The following TFEC variants were observed in gnomAD, a reference collection of about 807,000 sequenced individuals.
TFEC encodes the protein transcription factor EC, also known as class E basic helix-loop-helix protein 34.
Under a neutral mutation model 41.6 loss-of-function variants are expected in TFEC, and 31 were observed. That is an observed-to-expected ratio of 0.74 (90% CI 0.56 to 1.01). The LOEUF is 1.01. Ranked by LOEUF, TFEC falls within the 50% of genes least tolerant of loss-of-function variation. The probability of loss-of-function intolerance (pLI) is 0.00; values close to 1 mark genes in which losing one functional copy is unlikely to be tolerated. For synonymous variants in TFEC, 143 were observed against 140.6 expected, an observed-to-expected ratio of 1.02 and a Z score of -0.12; for missense variants, 402 against 404.1, an observed-to-expected ratio of 0.99 and a Z score of 0.04.
In TFEC at chr7:116,049,839, A is replaced by T. The variant is rs536813187; in HGVS notation, c.198+60869T>A. 2.0e-5 allele frequency among the ~76,000 whole-genome samples: 3 copies of T among 152,276 alleles called. No homozygotes were observed. The East Asian group carries it at 5.8e-4, about 29-fold the overall frequency. On this transcript the variant is annotated intron_variant, in intron 3 of 8. Coordinates refer to the TFEC transcript ENST00000484212. ...GATTAAGAAACTCACTCAAAACCAC[A>T]CAACTACATGGAAACTGAACAACCT...
intron 3 of TFEC, among the ~76,000 whole-genome samples, chr7:116,069,477 A>C (rs1326952667): frequency 2.0e-5 from 3 of 151,708 alleles, no homozygotes; most frequent in African/African-American, 7.2e-5. Context: ...AGTTCAAAGA[A>C]TACATCCTCT....
upstream of TFEC, among the ~76,000 whole-genome samples, chr7:116,035,701 CCTT>C (rs2130906841): frequency 6.6e-6 from 1 of 151,972 alleles, no homozygotes; most frequent in South Asian, 2.1e-4. Flanking sequence ...AAAGTGAAAA[CCTT>C]CTGCATTTTT....
chr7:116,017,006 C>T (rs968374831), intron 1 of TFEC, among the ~76,000 whole-genome samples: 8 of 152,150 alleles, frequency 5.3e-5, no homozygotes, highest in African/African-American at 1.9e-4. Context: ...TCCACTCTAA[C>T]CTGCAACTAT....
At chr7:116,123,367 T>C (rs961369088) in intron 1 of TFEC, among the ~76,000 whole-genome samples, 4 of 152,162 alleles carry the variant, frequency 2.6e-5, no homozygotes, top group Non-Finnish European at 5.9e-5. Flanking sequence ...TTCTAGTTTG[T>C]CTTGAAAGCA....
intron 1 of TFEC, among the ~76,000 whole-genome samples, chr7:116,143,701 G>C (rs1798586167): frequency 6.6e-6 from 1 of 152,216 alleles, no homozygotes; most frequent in South Asian, 2.1e-4. Flanking sequence ...TCTGGGAAGA[G>C]TCAGAGAAGT....
chr7:116,145,526 G>A (rs941790210), intron 1 of TFEC, among the ~76,000 whole-genome samples: 2 of 152,268 alleles, frequency 1.3e-5, no homozygotes, highest in South Asian at 2.1e-4. Flanking sequence ...CAGATGCTCT[G>A]AGCTCAATGA....
In TFEC at chr7:116,110,707, C is replaced by A. The variant is rs775974752; in HGVS notation, c.198+1G>T. The A allele has an allele frequency of 4.0e-6, 6 of 1,496,390 alleles. No homozygotes were observed. In the East Asian group the frequency reaches 1.3e-4, roughly 32 times the overall value. The allele number at this position is 1,496,390 out of a possible 1,614,324, so 92.7% of individuals were successfully genotyped here. A position where few individuals can be genotyped will look rare whatever the true frequency, so the allele number is the denominator to read the frequency against. On this transcript the variant is annotated splice_donor_variant, in intron 3 of 8. Coordinates refer to the TFEC transcript ENST00000484212. LOFTEE classifies it high-confidence loss of function. ...GGCTGTATATGTATACAGATACATACCCTGGTAAAGGATGGTAATTGACTT... is the reference window on the plus strand; with the variant it reads ...GGCTGTATATGTATACAGATACATAACCTGGTAAAGGATGGTAATTGACTT...
intron 3 of TFEC, among the ~76,000 whole-genome samples, chr7:116,080,620 T>G (rs1797065300): frequency 6.6e-6 from 1 of 152,022 alleles, no homozygotes; most frequent in Non-Finnish European, 1.5e-5. Context: ...ATCAGGGAAA[T>G]GCAAATCAAA....
At chr7:116,043,726 T>C (rs750440760) in intron 3 of TFEC, among the ~76,000 whole-genome samples, 1 of 151,998 alleles carries the variant, frequency 6.6e-6, no homozygotes, top group African/African-American at 2.4e-5. Context: ...TTGAACAGAG[T>C]GTGACCACCT....
At chr7:116,148,496 G>A (rs1798688828) in intron 1 of TFEC, among the ~76,000 whole-genome samples, 2 of 152,278 alleles carry the variant, frequency 1.3e-5, no homozygotes, top group South Asian at 4.1e-4. Flanking sequence ...ACAGAAGCAG[G>A]AACAGAAGGA....
In TFEC at chr7:115,944,013, A is replaced by ATTTTTTTTTTTTTTTTTTTTTTTTTTTTT. The variant is rs1160114562; in HGVS notation, c.516-1974_516-1973insAAAAAAAAAAAAAAAAAAAAAAAAAAAAA. Among the ~76,000 whole-genome samples, 34 of 22,840 alleles carry ATTTTTTTTTTTTTTTTTTTTTTTTTTTTT rather than the reference A, an allele frequency of 1.5e-3. 10 individuals are homozygous for ATTTTTTTTTTTTTTTTTTTTTTTTTTTTT. The highest frequency in any genetic ancestry group is 2.7e-3 in the East Asian group (3 of 1,120). 15.0% of individuals were successfully genotyped at this position (22,840 alleles called of 152,430 possible). A position where few individuals can be genotyped will look rare whatever the true frequency, so the allele number is the denominator to read the frequency against. On this transcript the variant is annotated intron_variant, in intron 6 of 7. Coordinates refer to ENST00000265440, the MANE Select transcript of TFEC (RefSeq NM_012252.4). ...GAAAATAATACTATGACAGGTCTGA[A>ATTTTTTTTTTTTTTTTTTTTTTTTTTTTT]TTTTTTTTTTTTTTTTTTTTTTTTT...
Position 115,939,734 on chromosome 7 carries a change from A to C in TFEC, c.*817T>G, listed in dbSNP as rs139741894. The C allele has an allele frequency of 1.3e-5, 2 of 152,180 alleles. No individual in the cohort carries two copies. Among genetic ancestry groups the C allele is most frequent in the Middle Eastern group, 3.4e-3 (1 of 294 alleles). The allele number at this position is 152,180 out of a possible 1,614,324, so 9.4% of individuals were successfully genotyped here. ...TCTGATGCAGTCAGAAGCATGAAGAAAACAAAAGAACATATACTACCTGAA... is the reference window on the plus strand; with the variant it reads ...TCTGATGCAGTCAGAAGCATGAAGACAACAAAAGAACATATACTACCTGAA... On this transcript the variant is annotated 3_prime_UTR_variant, in exon 8 of 8. Coordinates refer to ENST00000265440, the MANE Select transcript of TFEC (RefSeq NM_012252.4).
chr7:116,097,576 G>A (rs1340920692), intron 3 of TFEC, among the ~76,000 whole-genome samples: 1 of 152,150 alleles, frequency 6.6e-6, no homozygotes, highest in Admixed American at 6.5e-5. Flanking sequence ...CTTTTATAGT[G>A]TGGCGATGCA....
intron 1 of TFEC, among the ~76,000 whole-genome samples, chr7:116,149,168 A>G (rs142441057): frequency 1.6e-3 from 247 of 152,276 alleles, no homozygotes; most frequent in African/African-American, 5.7e-3. Context: ...AACAATGCAA[A>G]TATAAAGTTA....
At chr7:116,154,627 T>C (rs1206837488) in intron 1 of TFEC, among the ~76,000 whole-genome samples, 2 of 152,338 alleles carry the variant, frequency 1.3e-5, no homozygotes, top group South Asian at 4.1e-4. Context: ...TATAATAGCA[T>C]TAATGAATAT....
At chr7:116,016,473 C>T (rs1795194434) in intron 1 of TFEC, among the ~76,000 whole-genome samples, 3 of 152,152 alleles carry the variant, frequency 2.0e-5, no homozygotes, top group Admixed American at 2.0e-4. Context: ...AGGATGGAAG[C>T]TCACATGCAG....
chr7:116,120,927 T>C (rs901946764), intron 1 of TFEC, among the ~76,000 whole-genome samples: 1 of 151,978 alleles, frequency 6.6e-6, no homozygotes. Flanking sequence ...ACTGGTTCTA[T>C]AAAAAACCCT....
intron 3 of TFEC, among the ~76,000 whole-genome samples, chr7:116,038,086 C>G (rs1039884939): frequency 6.6e-6 from 1 of 151,994 alleles, no homozygotes; most frequent in Non-Finnish European, 1.5e-5. Flanking sequence ...ATATGACTTT[C>G]CCAAGTTTTC....
At chr7:115,987,708 C>A (rs996591759) in intron 1 of TFEC, among the ~76,000 whole-genome samples, 1 of 151,626 alleles carries the variant, frequency 6.6e-6, no homozygotes, top group Non-Finnish European at 1.5e-5. Context: ...TGTACATAGC[C>A]CAGAGAATGA....
Sources: gnomAD v4.1 joint callset for allele counts (sites outside exome capture counted in the v4.1 genomes callset) on GRCh38, gnomAD v4.1.1 for gene constraint, MANE v1.5 for transcripts, NCBI Gene and HGNC (gene_info 2026-07-23, HGNC 2026-07-21) for gene names.